Variants in TYR observed in about 807,000 individuals in gnomAD.
The protein encoded by TYR is LB24-AB.
TYR carries 58 observed loss-of-function variants against 51.5 expected under a neutral mutation model. That is an observed-to-expected ratio of 1.13 (90% CI 0.91 to 1.40). The LOEUF is 1.40. Among genes scored for constraint, TYR ranks in the 40% most tolerant of loss-of-function variants. The pLI is 0.00. For missense variants in TYR, 732 were observed against 647.4 expected, an observed-to-expected ratio of 1.13 and a Z score of -1.42; for synonymous variants, 263 against 235.2, an observed-to-expected ratio of 1.12 and a Z score of -1.08.
intron 3 of TYR, among the ~76,000 whole-genome samples, chr11:89,275,605 G>C (rs1344518566): frequency 6.6e-6 from 1 of 151,846 alleles, no homozygotes; most frequent in African/African-American, 2.4e-5. Context: ...ATTTAAAAGA[G>C]TTTAATTGAG....
intron 2 of TYR, among the ~76,000 whole-genome samples, chr11:89,223,600 T>C (rs1943940179): frequency 6.6e-6 from 1 of 152,224 alleles, no homozygotes; most frequent in Admixed American, 6.5e-5. Context: ...CTGTAGGATA[T>C]ATAAGTGAAA....
chr11:89,183,170 T>C (rs1943324480), intron 1 of TYR, among the ~76,000 whole-genome samples: 1 of 152,162 alleles, frequency 6.6e-6, no homozygotes, highest in Admixed American at 6.5e-5. Context: ...TTTATTGCTA[T>C]TTCTTTAAAT....
intron 2 of TYR, among the ~76,000 whole-genome samples, chr11:89,205,535 G>A (rs1403809460): frequency 6.6e-6 from 1 of 152,050 alleles, no homozygotes; most frequent in Non-Finnish European, 1.5e-5. Context: ...GGAAAAAAAT[G>A]AATGACAGAT....
At chr11:89,282,191 A>G (rs934608482) in intron 3 of TYR, among the ~76,000 whole-genome samples, 9 of 151,804 alleles carry the variant, frequency 5.9e-5, no homozygotes, top group African/African-American at 1.2e-4. Context: ...CATGGCAGAA[A>G]CAAGATTATT....
At chr11:89,221,051 T>G (rs552660682) in intron 2 of TYR, among the ~76,000 whole-genome samples, 8 of 152,232 alleles carry the variant, frequency 5.3e-5, no homozygotes, top group Non-Finnish European at 1.2e-4. Flanking sequence ...TTTGTCATTG[T>G]CTTTGTGCAA....
chr11:89,261,126 C>T (rs1249177361), intron 3 of TYR, among the ~76,000 whole-genome samples: 1 of 151,838 alleles, frequency 6.6e-6, no homozygotes, highest in Non-Finnish European at 1.5e-5. Context: ...ATTATGTATT[C>T]AACACAAAAG....
intron 1 of TYR, among the ~76,000 whole-genome samples, chr11:89,189,220 T>C (rs1943411841): frequency 6.6e-6 from 1 of 152,074 alleles, no homozygotes; most frequent in African/African-American, 2.4e-5. Flanking sequence ...CCACTTACCC[T>C]CTCTGAGTCT....
chr11:89,259,297 A>T (rs1944430473), intron 3 of TYR, among the ~76,000 whole-genome samples: 1 of 152,112 alleles, frequency 6.6e-6, no homozygotes, highest in Admixed American at 6.6e-5. Context: ...ACTGAGAATC[A>T]AATTCTACCC....
intron 2 of TYR, among the ~76,000 whole-genome samples, chr11:89,194,762 C>T (rs754157286): frequency 6.6e-6 from 1 of 152,174 alleles, no homozygotes; most frequent in East Asian, 1.9e-4. Flanking sequence ...GCTTAATTAT[C>T]TTTGTGTTCC....
intron 3 of TYR, among the ~76,000 whole-genome samples, chr11:89,247,711 GCA>G (rs1944283883): frequency 6.6e-6 from 1 of 152,142 alleles, no homozygotes; most frequent in African/African-American, 2.4e-5. Flanking sequence ...GTGCCCAAAG[GCA>G]CACAGTTTTC....
intron 3 of TYR, among the ~76,000 whole-genome samples, chr11:89,237,768 G>T (rs1200865471): frequency 6.6e-6 from 1 of 151,998 alleles, no homozygotes; most frequent in Non-Finnish European, 1.5e-5. Context: ...ACTGCAGATT[G>T]CTTTAGGTAG....
At chr11:89,201,285 A>T (rs1158187442) in intron 2 of TYR, among the ~76,000 whole-genome samples, 2 of 152,178 alleles carry the variant, frequency 1.3e-5, no homozygotes, top group African/African-American at 4.8e-5. Flanking sequence ...CTTTGTTCAC[A>T]TAAGAAGTCT....
At chr11:89,241,391 T>C (rs1020389537) in intron 3 of TYR, among the ~76,000 whole-genome samples, 1 of 152,172 alleles carries the variant, frequency 6.6e-6, no homozygotes, top group Admixed American at 6.6e-5. Flanking sequence ...TCACCATTAG[T>C]TCTGCATTGA....
At chr11:89,222,150 G>A (rs992377262) in intron 2 of TYR, among the ~76,000 whole-genome samples, 7 of 152,196 alleles carry the variant, frequency 4.6e-5, no homozygotes, top group Non-Finnish European at 1.0e-4. Flanking sequence ...AATATAGAAG[G>A]TGAAAATTTC....
intron 3 of TYR, among the ~76,000 whole-genome samples, chr11:89,278,087 A>G (rs16913095): frequency 0.033 from 4,954 of 151,698 alleles, 265 homozygotes; most frequent in African/African-American, 0.11. Context: ...TCAATTTTTA[A>G]TTCCTTGAAT....
At chr11:89,245,334 A>T (rs1352402392) in intron 3 of TYR, among the ~76,000 whole-genome samples, 3 of 152,220 alleles carry the variant, frequency 2.0e-5, no homozygotes, top group Non-Finnish European at 4.4e-5. Context: ...TTCAATCAAT[A>T]GTTACAGAAG....
intron 3 of TYR, among the ~76,000 whole-genome samples, chr11:89,248,642 G>A (rs1944295568): frequency 1.3e-5 from 2 of 152,196 alleles, no homozygotes; most frequent in Admixed American, 6.5e-5. Flanking sequence ...CCTAAGTACA[G>A]TATAGAGGAA....
At chr11:89,232,744 T>C (rs916198404) in intron 3 of TYR, among the ~76,000 whole-genome samples, 2 of 143,588 alleles carry the variant, frequency 1.4e-5, no homozygotes, top group South Asian at 4.6e-4. Flanking sequence ...ATTATGTTTA[T>C]ACTTTAATGT....
intron 2 of TYR, among the ~76,000 whole-genome samples, chr11:89,224,361 T>G (rs1184406218): frequency 2.0e-5 from 3 of 152,184 alleles, no homozygotes; most frequent in Non-Finnish European, 4.4e-5. Flanking sequence ...ACTTCCTCTC[T>G]TATCATTGAA....
Sources: allele counts gnomAD v4.1 joint callset (sites outside exome capture counted in the v4.1 genomes callset), GRCh38; gene constraint gnomAD v4.1.1; transcripts MANE v1.5; gene names NCBI Gene and HGNC (gene_info 2026-07-23, HGNC 2026-07-21).